FRY: variants seen among roughly 807,000 people sequenced by gnomAD.
FRY encodes the protein protein furry homolog.
A neutral mutation model predicts 348.4 loss-of-function variants in FRY; 128 were observed. The observed-to-expected ratio is 0.37, with a 90% confidence interval of 0.32 to 0.43. FRY has a LOEUF of 0.43. Among genes scored for constraint, FRY ranks in the 20% least tolerant of loss-of-function variants. The pLI is 1.00. For synonymous variants in FRY, 1,370 were observed against 1,374.7 expected, an observed-to-expected ratio of 1.00 and a Z score of 0.08; for missense variants, 2,736 against 3,695.2, an observed-to-expected ratio of 0.74 and a Z score of 6.73.
chr13:32,186,085 G>A (rs1883009856), intron 26 of FRY, among the ~76,000 whole-genome samples, 175 bp from the exon 27 acceptor site: 2 of 152,184 alleles, frequency 1.3e-5, no homozygotes, highest in African/African-American at 2.4e-5. Context: ...GACAGGAAGA[G>A]TGCACACTTA....
Position 32,224,988 on chromosome 13 carries a change from G to A in FRY, c.4972G>A (p.Glu1658Lys). The change falls in exon 38 of 61, where the codon GAA becomes AAA. Residue 1658 changes from glutamate (E) to lysine (K), a missense_variant. By Grantham distance (56) the Glu-to-Lys change is moderately conservative. Around this residue, in one of 9 missense-constraint regions of FRY, gnomAD observed 794 missense variants for 977.0 expected, o/e 0.81. Coordinates refer to ENST00000542859, the MANE Select transcript of FRY (RefSeq NM_023037.3). Reference sequence around the variant, plus strand: ...AATGGTGGTGGATCACAGTGTACGAGAAGACTGGGCGCTTCATCTACCATT... The same window carrying A: ...AATGGTGGTGGATCACAGTGTACGAAAAGACTGGGCGCTTCATCTACCATT... ...TEMVVDHSVR[E>K]DWALHLPLLL... 1 of 1,612,268 alleles carries A rather than the reference G, an allele frequency of 6.2e-7. No individual in the cohort carries two copies. Among genetic ancestry groups the A allele is most frequent in the Non-Finnish European group, 8.5e-7 (1 of 1,178,318 alleles).
chr13:32,226,710 A>G (rs1375178597), intron 39 of FRY, among the ~76,000 whole-genome samples: 1 of 152,196 alleles, frequency 6.6e-6, no homozygotes, highest in Non-Finnish European at 1.5e-5. Flanking sequence ...GCGACATTTC[A>G]CATGTCACTG....
intron 35 of FRY, among the ~76,000 whole-genome samples, chr13:32,218,447 G>A (rs1434980882): frequency 5.3e-5 from 8 of 152,142 alleles, no homozygotes; most frequent in Non-Finnish European, 1.0e-4. Flanking sequence ...CTGGGAGGCC[G>A]AAGCGGGCGG....
intron 2 of FRY, among the ~76,000 whole-genome samples, chr13:32,089,549 G>A (rs1434795880): frequency 6.6e-6 from 1 of 151,928 alleles, no homozygotes; most frequent in Non-Finnish European, 1.5e-5. Flanking sequence ...AATTGTTTGA[G>A]TCCAGGAGTT....
Position 32,169,490 on chromosome 13 carries a change from G to A in FRY, c.1893-1522G>A, listed in dbSNP as rs1048347741. On this transcript the variant is annotated intron_variant, in intron 17 of 60. Coordinates refer to ENST00000542859, the MANE Select transcript of FRY (RefSeq NM_023037.3). The stretch of plus-strand genomic sequence containing the variant: ...CCCCATTTTACCAATCTGAGGCTTA[G>A]AGATTAAGTGACTAGCCTGAAGTCA... Among the ~76,000 whole-genome samples, 9 of 152,178 alleles carry A rather than the reference G, an allele frequency of 5.9e-5. No homozygotes were observed. The East Asian group carries it at 1.7e-3, about 29-fold the overall frequency.
chr13:32,169,706 C>A (rs1423205890), intron 17 of FRY, among the ~76,000 whole-genome samples: 1 of 152,140 alleles, frequency 6.6e-6, no homozygotes, highest in Non-Finnish European at 1.5e-5. Flanking sequence ...ATAGACACAG[C>A]CACACCGAAC....
chr13:32,058,916 C>T (rs1207675497), intron 1 of FRY, among the ~76,000 whole-genome samples: 2 of 152,210 alleles, frequency 1.3e-5, no homozygotes, highest in African/African-American at 2.4e-5. Flanking sequence ...TGTAGTGACA[C>T]TGGAGTCTGA....
At chr13:32,184,544 CA>C (rs1354372543) in intron 24 of FRY, 55 bp from the exon 25 acceptor site, 1 of 1,070,598 alleles carries the variant, frequency 9.3e-7, no homozygotes, top group African/African-American at 1.6e-5. Context: ...TTTTCTAAAA[CA>C]AAGTTAATAT....
intron 17 of FRY, among the ~76,000 whole-genome samples, chr13:32,167,987 T>C (rs1881840436): frequency 6.6e-6 from 1 of 152,186 alleles, no homozygotes; most frequent in Non-Finnish European, 1.5e-5. Flanking sequence ...TATGTATCTA[T>C]ATATTGCAGT....
At chr13:32,055,662 T>C (rs1873584653) in intron 1 of FRY, among the ~76,000 whole-genome samples, 1 of 152,048 alleles carries the variant, frequency 6.6e-6, no homozygotes, top group African/African-American at 2.4e-5. Context: ...ACAGAACCTG[T>C]GCAATAATCC....
intron 23 of FRY, among the ~76,000 whole-genome samples, chr13:32,182,590 A>G (rs1306079234): frequency 1.3e-5 from 2 of 152,244 alleles, no homozygotes; most frequent in African/African-American, 4.8e-5. Flanking sequence ...CTTGAGCTCC[A>G]TAGCTTGCAG....
intron 1 of FRY, among the ~76,000 whole-genome samples, chr13:32,070,969 A>G (rs1177417349): frequency 6.6e-6 from 1 of 152,192 alleles, no homozygotes; most frequent in African/African-American, 2.4e-5. Flanking sequence ...TAAATAGGGA[A>G]TCCTTTCCCC....
intron 38 of FRY, among the ~76,000 whole-genome samples, chr13:32,225,547 A>G (rs1885536915): frequency 6.6e-6 from 1 of 152,222 alleles, no homozygotes; most frequent in Non-Finnish European, 1.5e-5. Flanking sequence ...ACCACATCAA[A>G]TGCTACAGAG....
intron 1 of FRY, among the ~76,000 whole-genome samples, chr13:32,045,365 C>T (rs766620374): frequency 8.3e-4 from 127 of 152,192 alleles, no homozygotes; most frequent in Admixed American, 4.8e-3. Context: ...TGCATCACCT[C>T]CCATCTGGAG....
At chr13:32,204,323 GA>G in intron 31 of FRY, among the ~76,000 whole-genome samples, 1 of 53,938 alleles carries the variant, frequency 1.9e-5, no homozygotes, top group African/African-American at 7.3e-5. Flanking sequence ...TTTTACAGAT[GA>G]GATGAGAAAC....
chr13:32,203,334 A>G (rs532874821), intron 31 of FRY, among the ~76,000 whole-genome samples: 1 of 152,356 alleles, frequency 6.6e-6, no homozygotes, highest in East Asian at 1.9e-4. Context: ...ATTCTTTACA[A>G]TCTTCATAAA....
Position 32,162,688 on chromosome 13 carries a change from T to C in FRY, c.1892+1437T>C, listed in dbSNP as rs77911344. On this transcript the variant is annotated intron_variant, in intron 17 of 60. Transcript: ENST00000542859. ...CTTCAAAACCATGATTTCAAGCCGT[T>C]GTGCTCTCTAACCACAGCCTTCCAC... Among the ~76,000 whole-genome samples, 16 of 152,284 alleles carry C rather than the reference T, an allele frequency of 1.1e-4. No individual in the cohort carries two copies. The East Asian group carries it at 3.1e-3, about 29-fold the overall frequency.
rs148320328 is a variant in FRY, at chr13:32,166,525, C to G, written c.1893-4487C>G. ...CATTTAACTCCAAGGCTTCCTTTCC[C>G]TTTTAGATAGCTATTTTTTTCCCGC... On this transcript the variant is annotated intron_variant, in intron 17 of 60. Coordinates refer to ENST00000542859, the MANE Select transcript of FRY (RefSeq NM_023037.3). Among the ~76,000 whole-genome samples, 1,060 of 152,326 alleles carry G rather than the reference C, an allele frequency of 7.0e-3. 6 individuals are homozygous for G. The highest frequency in any genetic ancestry group is 0.014 in the Middle Eastern group (4 of 294).
Position 32,051,758 on chromosome 13 carries a change from G to A in FRY, c.70+19893G>A, listed in dbSNP as rs528622292. On this transcript the variant is annotated intron_variant, in intron 1 of 60. Transcript: ENST00000542859. ...GTGTACAAAACACTGCAGCAGAAGC[G>A]ATGATAATTTGCGAAGTATGAGGTG... Among the ~76,000 whole-genome samples the A allele has an allele frequency of 1.6e-4, 24 of 152,320 alleles. No homozygotes were observed. In the East Asian group the frequency reaches 4.4e-3, roughly 28 times the overall value.
Sources: gnomAD v4.1 joint callset for allele counts (sites outside exome capture counted in the v4.1 genomes callset) on GRCh38, gnomAD v4.1.1 for gene constraint, gnomAD v4.1.1 regional missense constraint, MANE v1.5 for transcripts, NCBI Gene and HGNC (gene_info 2026-07-23, HGNC 2026-07-21) for gene names.